The following SYNGR1 variants were observed in gnomAD, a reference collection of about 807,000 sequenced individuals.
SYNGR1 encodes synaptogyrin 1.
In SYNGR1, 14 loss-of-function variants were observed where a neutral mutation model predicts 26.1. That is an observed-to-expected ratio of 0.54 (90% CI 0.35 to 0.84). SYNGR1 has a LOEUF of 0.84. SYNGR1 is among the 40% of genes least tolerant of loss of function. The pLI, the probability that SYNGR1 is intolerant of heterozygous loss-of-function variation, is 0.01. For synonymous variants in SYNGR1, 141 were observed against 150.1 expected (o/e 0.94, Z 0.44); for missense variants, 319 against 332.9 (o/e 0.96, Z 0.33).
At chr22:39,377,442 T>C (rs1272933922) in intron 3 of SYNGR1, 1 of 985,256 alleles carries the variant, frequency 1.0e-6, no homozygotes, top group African/African-American at 1.7e-5. Flanking sequence ...GGGAGGAGTT[T>C]AGGGGCGGGG....
chr22:39,352,711 G>A (rs1404431030), intron 1 of SYNGR1, among the ~76,000 whole-genome samples: 1 of 152,202 alleles, frequency 6.6e-6, no homozygotes, highest in Non-Finnish European at 1.5e-5. Context: ...TTATCCTGGT[G>A]TGCTGGAACT....
intron 1 of SYNGR1, among the ~76,000 whole-genome samples, chr22:39,356,525 G>T (rs914000712): frequency 2.0e-5 from 3 of 152,200 alleles, no homozygotes; most frequent in African/African-American, 7.2e-5. Context: ...CATGAGCAGC[G>T]TGTGCAAAGC....
intron 1 of SYNGR1, among the ~76,000 whole-genome samples, chr22:39,361,254 G>A (rs1256037789): frequency 6.6e-6 from 1 of 152,078 alleles, no homozygotes; most frequent in East Asian, 1.9e-4. Context: ...AATTTGCACA[G>A]CAGGAGAGAA....
intron 1 of SYNGR1, among the ~76,000 whole-genome samples, chr22:39,367,111 C>T (rs1448249126): frequency 6.6e-6 from 1 of 152,262 alleles, no homozygotes; most frequent in East Asian, 1.9e-4. Flanking sequence ...CCCAGTCCGC[C>T]TCCTCTTGCC....
Position 39,374,569 on chromosome 22 carries a change from C to T in SYNGR1, c.337+16C>T. ...GGTGTCTCGGGTGAGCCCCACCCAG[C>T]AGGTACCCCCTGCACAGAGTCTACA... is the stretch of plus-strand genomic sequence containing the variant. On this transcript the variant is annotated intron_variant, in intron 2 of 3. Transcript: ENST00000328933. 1 of 1,611,814 alleles carries T rather than the reference C, an allele frequency of 6.2e-7. No individual in the cohort carries two copies. The highest frequency in any genetic ancestry group is 8.5e-7 in the Non-Finnish European group (1 of 1,179,374).
intron 3 of SYNGR1, chr22:39,378,103 A>G: frequency 8.5e-7 from 1 of 1,174,416 alleles, no homozygotes; most frequent in Non-Finnish European, 1.1e-6. Flanking sequence ...GTGGGTGCAG[A>G]GCAATAGCCT....
chr22:39,353,354 A>T (rs1436455641), intron 1 of SYNGR1, among the ~76,000 whole-genome samples: 1 of 149,908 alleles, frequency 6.7e-6, no homozygotes, highest in Admixed American at 6.6e-5. Flanking sequence ...TCTCTTTTTT[A>T]TTTTTTTAGA....
At chr22:39,352,522 C>T (rs142374078) in intron 1 of SYNGR1, among the ~76,000 whole-genome samples, 1 of 152,266 alleles carries the variant, frequency 6.6e-6, no homozygotes, top group Non-Finnish European at 1.5e-5. Flanking sequence ...GATACCACCA[C>T]TTAGGGAGGG....
At chr22:39,370,672 C>G (rs1389217878) in intron 1 of SYNGR1, among the ~76,000 whole-genome samples, 1 of 150,522 alleles carries the variant, frequency 6.6e-6, no homozygotes, top group African/African-American at 2.5e-5. Context: ...GGCTGGAGTG[C>G]AGTGACACAA....
chr22:39,360,137 C>T (rs1429955013), intron 1 of SYNGR1, among the ~76,000 whole-genome samples: 1 of 151,568 alleles, frequency 6.6e-6, no homozygotes, highest in Non-Finnish European at 1.5e-5. Flanking sequence ...TAGACTATCT[C>T]CCCTGTTCTG....
Position 39,385,118 on chromosome 22 carries a change from CT to C in SYNGR1, c.*3205del, listed in dbSNP as rs1981880407. ...CCTGCCTGTTAGCCCTGGGAGACCC[CT>C]AACCTTGGCCCAAGACCCCTTTGAT... On this transcript the variant is annotated 3_prime_UTR_variant, in exon 4 of 4. Coordinates refer to ENST00000328933, the MANE Select transcript of SYNGR1 (RefSeq NM_004711.5). 5 of 397,768 alleles carry C rather than the reference CT, an allele frequency of 1.3e-5. No individual in the cohort carries two copies. The Admixed American group carries it at 1.3e-4, about 11-fold the overall frequency. 24.6% of individuals were successfully genotyped at this position (397,768 alleles called of 1,614,324 possible). A position where few individuals can be genotyped will look rare whatever the true frequency, so the allele number is the denominator to read the frequency against.
intron 1 of SYNGR1, among the ~76,000 whole-genome samples, chr22:39,353,955 C>A (rs1162322388): frequency 6.6e-6 from 1 of 152,146 alleles, no homozygotes; most frequent in Admixed American, 6.5e-5. Context: ...CCTCTGCCTC[C>A]TGGTTTCAAG....
In SYNGR1 at chr22:39,377,857, G is replaced by A. The variant is rs145034529; in HGVS notation, c.483+1660G>A. On this transcript the variant is annotated intron_variant, in intron 3 of 3. Transcript: ENST00000328933. ...CCACTGACTCATTCATTCCTTCACC[G>A]CCTCCTTCATTGATTCTTCATGCGT... 3.5e-4 allele frequency: 529 copies of A among 1,498,480 alleles called. 1 individual carries two copies. The African/African-American group carries it at 6.7e-3, about 19-fold the overall frequency. The allele number at this position is 1,498,480 out of a possible 1,614,324, so 92.8% of individuals were successfully genotyped here.
Position 39,373,138 on chromosome 22 carries a change from T to TACACAC in SYNGR1, c.100-1154_100-1149dup, listed in dbSNP as rs10548475. ...GTGTCTATTGTTATTTTCTATTTAA[T>TACACAC]ACACACACACACACACACACACACA... On this transcript the variant is annotated intron_variant, in intron 1 of 3. Coordinates refer to ENST00000328933, the MANE Select transcript of SYNGR1 (RefSeq NM_004711.5). Among the ~76,000 whole-genome samples the TACACAC allele has an allele frequency of 2.4e-3, 345 of 146,408 alleles. 1 individual carries two copies. The highest frequency in any genetic ancestry group is 4.7e-3 in the African/African-American group (188 of 39,794).
intron 1 of SYNGR1, among the ~76,000 whole-genome samples, chr22:39,353,275 C>T (rs1034941570): frequency 6.6e-6 from 1 of 152,192 alleles, no homozygotes; most frequent in African/African-American, 2.4e-5. Flanking sequence ...CTGGACCCAC[C>T]CTGGAACCCA....
chr22:39,378,129 T>A, intron 3 of SYNGR1: 1 of 1,159,146 alleles, frequency 8.6e-7, no homozygotes, highest in Non-Finnish European at 1.1e-6. Context: ...TTCACAGCGG[T>A]GTGAAGAGTG....
intron 3 of SYNGR1, chr22:39,377,292 C>T: frequency 1.0e-6 from 1 of 985,412 alleles, no homozygotes; most frequent in Non-Finnish European, 1.2e-6. Context: ...GAGGGGGAGA[C>T]CCGTGGTTCA....
rs1286374144 is a variant in SYNGR1 at position 39,384,977 on chromosome 22, C to A, written c.*3063C>A. On this transcript the variant is annotated 3_prime_UTR_variant, in exon 4 of 4. Transcript: ENST00000328933. The stretch of plus-strand genomic sequence containing the variant: ...GGCTCCTATCCACCTGGGGGTGTCG[C>A]AGTTGAGGGGCTAATTCCCAGGGGA... 4.8e-5 allele frequency: 19 copies of A among 398,758 alleles called. No individual in the cohort carries two copies. Among genetic ancestry groups the A allele is most frequent in the Admixed American group, 8.8e-5 (2 of 22,716 alleles). 24.7% of individuals were successfully genotyped at this position (398,758 alleles called of 1,614,324 possible).
chr22:39,374,573 T>C lies in SYNGR1; in HGVS notation c.337+20T>C, dbSNP rs1569181966. 1.1e-5 allele frequency: 18 copies of C among 1,611,148 alleles called. No homozygotes were observed. Among genetic ancestry groups the C allele is most frequent in the Non-Finnish European group, 1.5e-5 (18 of 1,178,910 alleles). On this transcript the variant is annotated intron_variant, in intron 2 of 3. Coordinates refer to ENST00000328933, the MANE Select transcript of SYNGR1 (RefSeq NM_004711.5). The stretch of plus-strand genomic sequence containing the variant: ...TCTCGGGTGAGCCCCACCCAGCAGG[T>C]ACCCCCTGCACAGAGTCTACAGAGG...
Sources: gnomAD v4.1 joint callset for allele counts (sites outside exome capture counted in the v4.1 genomes callset) on GRCh38, gnomAD v4.1.1 for gene constraint, MANE v1.5 for transcripts, NCBI Gene and HGNC (gene_info 2026-07-23, HGNC 2026-07-21) for gene names.